PDSS2: variants seen among roughly 807,000 people sequenced by gnomAD.
PDSS2 encodes the protein all trans-polyprenyl-diphosphate synthase PDSS2.
Under a neutral mutation model 44.5 loss-of-function variants are expected in PDSS2, and 31 were observed. The ratio of observed to expected loss-of-function variants is 0.70; its 90% CI spans 0.52 to 0.94. PDSS2 has a LOEUF of 0.94. PDSS2 is among the 40% of genes least tolerant of loss of function. The pLI, the probability that PDSS2 is intolerant of heterozygous loss-of-function variation, is 0.00. For synonymous variants in PDSS2, 157 were observed against 180.3 expected (o/e 0.87, Z 1.03); for missense variants, 452 against 482.2 (o/e 0.94, Z 0.59).
chr6:107,392,146 A>G (rs1205387798), intron 1 of PDSS2, among the ~76,000 whole-genome samples: 2 of 152,190 alleles, frequency 1.3e-5, no homozygotes, highest in Non-Finnish European at 2.9e-5. Context: ...GGCTTCACCT[A>G]AAACATACCT....
chr6:107,434,631 G>C (rs966613949), intron 1 of PDSS2, among the ~76,000 whole-genome samples: 3 of 152,044 alleles, frequency 2.0e-5, no homozygotes. Context: ...TGGTAGGGAT[G>C]GTTAATGAGT....
intron 2 of PDSS2, among the ~76,000 whole-genome samples, chr6:107,301,344 G>A (rs540667481): frequency 6.6e-6 from 1 of 152,182 alleles, no homozygotes; most frequent in Non-Finnish European, 1.5e-5. Flanking sequence ...TTTGTTTTCT[G>A]GTGAATAAAC....
chr6:107,321,782 C>T (rs1049754433), intron 2 of PDSS2, among the ~76,000 whole-genome samples: 1 of 152,188 alleles, frequency 6.6e-6, no homozygotes, highest in Non-Finnish European at 1.5e-5. Flanking sequence ...AATTCAACCA[C>T]CTCCACTGTA....
intron 1 of PDSS2, among the ~76,000 whole-genome samples, chr6:107,357,805 C>T (rs773704770): frequency 4.6e-5 from 7 of 152,094 alleles, no homozygotes; most frequent in Non-Finnish European, 7.4e-5. Context: ...GGAATCTTTA[C>T]ATTTTATTAA....
intron 3 of PDSS2, among the ~76,000 whole-genome samples, chr6:107,260,294 C>G (rs917178497): frequency 1.3e-5 from 2 of 152,150 alleles, no homozygotes; most frequent in African/African-American, 4.8e-5. Flanking sequence ...ATAAAATTTG[C>G]TCCTGGGCTA....
At chr6:107,250,999 G>A (rs569582161) in intron 3 of PDSS2, among the ~76,000 whole-genome samples, 10 of 152,194 alleles carry the variant, frequency 6.6e-5, no homozygotes, top group African/African-American at 2.2e-4. Context: ...GGGACTACAG[G>A]TGCCCGCCAC....
intron 7 of PDSS2, among the ~76,000 whole-genome samples, chr6:107,164,866 G>C (rs1182794778): frequency 3.3e-5 from 5 of 152,160 alleles, no homozygotes; most frequent in Non-Finnish European, 5.9e-5. Flanking sequence ...ATTCTAACTG[G>C]TGTGAGATGG....
rs547934612 is a variant in PDSS2, at chr6:107,172,854, G to A, written c.1042-18077C>T. 5.3e-5 allele frequency among the ~76,000 whole-genome samples: 8 copies of A among 151,520 alleles called. No homozygotes were observed. The East Asian group carries it at 5.8e-4, about 11-fold the overall frequency. On this transcript the variant is annotated intron_variant, in intron 7 of 7. Transcript: ENST00000369037. ...GAAATAGGATAGAGTGGCTGGGCAC[G>A]GCAGCTCACGCTTGAAATCCCAGCA... is the stretch of plus-strand genomic sequence containing the variant.
Position 107,153,834 on chromosome 6 carries a change from G to C in PDSS2, c.*785C>G, listed in dbSNP as rs1407135564. The C allele has an allele frequency of 1.3e-5, 2 of 152,406 alleles. No homozygotes were observed. 9.4% of individuals were successfully genotyped at this position (152,406 alleles called of 1,614,324 possible). On this transcript the variant is annotated 3_prime_UTR_variant, in exon 8 of 8. Coordinates refer to ENST00000369037, the MANE Select transcript of PDSS2 (RefSeq NM_020381.4). ...CTCAAGCCTCTAATCCCAGCACTTT[G>C]GGAGGCCGAGGCAGGCGGATCACCT...
chr6:107,358,477 T>C (rs1778658118), intron 1 of PDSS2, among the ~76,000 whole-genome samples: 2 of 152,216 alleles, frequency 1.3e-5, no homozygotes, highest in African/African-American at 4.8e-5. Flanking sequence ...AATGTTCTTA[T>C]AGTGATATTT....
chr6:107,449,258 AATAT>A (rs1354843872), intron 1 of PDSS2, among the ~76,000 whole-genome samples: 1 of 152,242 alleles, frequency 6.6e-6, no homozygotes, highest in Non-Finnish European at 1.5e-5. Flanking sequence ...GGAATCAGAC[AATAT>A]ATAAACTTTT....
At chr6:107,165,261 T>C (rs1326813774) in intron 7 of PDSS2, among the ~76,000 whole-genome samples, 2 of 152,192 alleles carry the variant, frequency 1.3e-5, no homozygotes, top group Non-Finnish European at 2.9e-5. Context: ...CTGAATGGCA[T>C]TGCCTAGGTT....
chr6:107,237,499 TC>T (rs1363456408), intron 4 of PDSS2, among the ~76,000 whole-genome samples: 19 of 151,958 alleles, frequency 1.3e-4, no homozygotes, highest in African/African-American at 4.3e-4. Flanking sequence ...TGCCTTGGCC[TC>T]CCAAAGTGCT....
rs1170857208 is a variant in PDSS2 at position 107,429,925 on chromosome 6, T to A, written c.296+29065A>T. On this transcript the variant is annotated intron_variant, in intron 1 of 7. Coordinates refer to ENST00000369037, the MANE Select transcript of PDSS2 (RefSeq NM_020381.4). ...AAATATATATATATATATATATATA[T>A]ATATATATATATACACCAAACCCAG... 3.1e-3 allele frequency among the ~76,000 whole-genome samples: 327 copies of A among 106,884 alleles called. 21 individuals carry two copies. Among genetic ancestry groups the A allele is most frequent in the African/African-American group, 0.012 (303 of 25,416 alleles). 70.1% of individuals were successfully genotyped at this position (106,884 alleles called of 152,430 possible).
intron 4 of PDSS2, chr6:107,230,174 G>T (rs9372156): frequency 0.19 from 28,302 of 151,188 alleles, 2,982 homozygotes; most frequent in East Asian, 0.33. Flanking sequence ...TGACTTTGTG[G>T]TGATCCTGCA....
At chr6:107,452,273 T>G (rs1781892250) in intron 1 of PDSS2, among the ~76,000 whole-genome samples, 1 of 151,862 alleles carries the variant, frequency 6.6e-6, no homozygotes, top group South Asian at 2.1e-4. Context: ...AGTGTCACTC[T>G]GTTGCCCAGG....
chr6:107,167,111 CT>C (rs782570792), intron 7 of PDSS2, among the ~76,000 whole-genome samples: 1 of 151,822 alleles, frequency 6.6e-6, no homozygotes. Context: ...TGGTCCTGGA[CT>C]TTTTTTTGGT....
chr6:107,339,706 A>G (rs1048204768), intron 1 of PDSS2, among the ~76,000 whole-genome samples: 6 of 151,984 alleles, frequency 3.9e-5, no homozygotes, highest in African/African-American at 7.2e-5. Context: ...AAGGAAAAAA[A>G]GGGGGAGTGG....
At chr6:107,393,994 T>C (rs748030028) in intron 1 of PDSS2, among the ~76,000 whole-genome samples, 7 of 152,222 alleles carry the variant, frequency 4.6e-5, no homozygotes, top group African/African-American at 1.7e-4. Context: ...CTTGCTTTCA[T>C]ATGCAGCCTG....
Sources: allele counts gnomAD v4.1 joint callset (sites outside exome capture counted in the v4.1 genomes callset), GRCh38; gene constraint gnomAD v4.1.1; transcripts MANE v1.5; gene names NCBI Gene and HGNC (gene_info 2026-07-23, HGNC 2026-07-21).